FBXL14: variants seen among roughly 807,000 people sequenced by gnomAD.
FBXL14 encodes the protein F-box/LRR-repeat protein 14.
In FBXL14, 11 loss-of-function variants were observed where a neutral mutation model predicts 24.5. That is an observed-to-expected ratio of 0.45 (90% CI 0.28 to 0.74). The LOEUF is 0.74. FBXL14 is among the 30% of genes least tolerant of loss of function. The pLI, the probability that FBXL14 is intolerant of heterozygous loss-of-function variation, is 0.12. For missense variants in FBXL14, 384 were observed against 545.6 expected, an observed-to-expected ratio of 0.70 and a Z score of 2.95; for synonymous variants, 294 against 240.4, an observed-to-expected ratio of 1.22 and a Z score of -2.06.
chr12:1,567,478 G>C lies in FBXL14; in HGVS notation c.1195-668C>G, dbSNP rs2094438222. Among the ~76,000 whole-genome samples, 1 of 151,730 alleles carries C rather than the reference G, an allele frequency of 6.6e-6. No homozygotes were observed. The highest frequency in any genetic ancestry group is 6.6e-5 in the Admixed American group (1 of 15,214). ...TGTACTGCAGCCTGGGCGACAGAGT[G>C]GTACTCTGTCTCAAAAATAATAATA... On this transcript the variant is annotated intron_variant, in intron 1 of 1. Transcript: ENST00000339235. The surrounding 1 kb of genome is among the most constrained non-coding windows in gnomAD (Gnocchi z 4.8).
intron 1 of FBXL14, among the ~76,000 whole-genome samples, chr12:1,586,110 TA>T (rs2094475891): frequency 6.6e-6 from 1 of 152,136 alleles, no homozygotes; most frequent in African/African-American, 2.4e-5. Context: ...TAACCCTATA[TA>T]ATGCTTGCAA....
At chr12:1,583,317 C>T (rs1377968248) in intron 1 of FBXL14, among the ~76,000 whole-genome samples, 1 of 151,750 alleles carries the variant, frequency 6.6e-6, no homozygotes. Flanking sequence ...CCCAAACTCC[C>T]CAGATATGGC....
intron 1 of FBXL14, among the ~76,000 whole-genome samples, chr12:1,586,889 C>T (rs534973683): frequency 6.6e-6 from 1 of 152,328 alleles, no homozygotes; most frequent in Admixed American, 6.5e-5. Context: ...TCCACTATCA[C>T]AAATGCAAGT....
Position 1,566,668 on chromosome 12 carries a change from T to C in FBXL14, c.*80A>G, listed in dbSNP as rs957513228. ...ACAGGCAGGGAAACCTGAGCTGTCA[T>C]CACCAGAGTGCCGGAGGCGCAGAGC... is the stretch of plus-strand genomic sequence containing the variant. On this transcript the variant is annotated 3_prime_UTR_variant, in exon 2 of 2. Coordinates refer to ENST00000339235, the MANE Select transcript of FBXL14 (RefSeq NM_152441.3). The C allele has an allele frequency of 1.8e-5, 14 of 771,792 alleles. No homozygotes were observed. Among genetic ancestry groups the C allele is most frequent in the South Asian group, 1.8e-4 (13 of 73,260 alleles). The allele number at this position is 771,792 out of a possible 1,614,324, so 47.8% of individuals were successfully genotyped here.
chr12:1,571,368 C>A (rs1254613447), intron 1 of FBXL14, among the ~76,000 whole-genome samples: 1 of 152,048 alleles, frequency 6.6e-6, no homozygotes, highest in African/African-American at 2.4e-5. Context: ...GCCACCACAC[C>A]CGGCTAATTT....
Position 1,594,195 on chromosome 12 carries a change from G to C in FBXL14, c.-129C>G. ...CCGCCGCCGCCGCCTCGGGCCCAAC[G>C]GCCGGCCCCTCCCCGCCTTCCGGCT... On this transcript the variant is annotated 5_prime_UTR_variant, in exon 1 of 2. Transcript: ENST00000339235. 1.8e-6 allele frequency: 1 copy of C among 556,122 alleles called. No homozygotes were observed. The highest frequency in any genetic ancestry group is 2.4e-6 in the Non-Finnish European group (1 of 414,712). 34.4% of individuals were successfully genotyped at this position (556,122 alleles called of 1,614,324 possible).
chr12:1,578,062 G>A (rs567952438), intron 1 of FBXL14, among the ~76,000 whole-genome samples: 30 of 152,288 alleles, frequency 2.0e-4, no homozygotes, highest in South Asian at 1.2e-3. Flanking sequence ...AACTTTAGAC[G>A]TAACATTTCA....
chr12:1,572,826 G>A (rs183153612), intron 1 of FBXL14, among the ~76,000 whole-genome samples: 58 of 146,978 alleles, frequency 3.9e-4, no homozygotes, highest in Admixed American at 3.9e-3. Context: ...GAAGTGATGA[G>A]GACTGACTTA....
At chr12:1,589,419 AGATC>A (rs1272083391) in intron 1 of FBXL14, among the ~76,000 whole-genome samples, 2 of 134,268 alleles carry the variant, frequency 1.5e-5, no homozygotes, top group African/African-American at 5.5e-5. Context: ...AAAAAAAAAA[AGATC>A]AAGACCTTGT....
chr12:1,566,027 A>G lies in FBXL14; in HGVS notation c.*721T>C, dbSNP rs1360729057. 1 of 152,656 alleles carries G rather than the reference A, an allele frequency of 6.6e-6. No homozygotes were observed. Among genetic ancestry groups the G allele is most frequent in the Non-Finnish European group, 1.5e-5 (1 of 68,048 alleles). The allele number at this position is 152,656 out of a possible 1,614,324, so 9.5% of individuals were successfully genotyped here. On this transcript the variant is annotated 3_prime_UTR_variant, in exon 2 of 2. Coordinates refer to ENST00000339235, the MANE Select transcript of FBXL14 (RefSeq NM_152441.3). ...TAAAGGGAAGACAGATATATTCTAC[A>G]TTGTTCCCATTAAAATGGAAACCCC... is the stretch of plus-strand genomic sequence containing the variant.
chr12:1,583,132 T>TA (rs2094469934), intron 1 of FBXL14, among the ~76,000 whole-genome samples: 6 of 133,812 alleles, frequency 4.5e-5, no homozygotes, highest in African/African-American at 1.8e-4. Flanking sequence ...TTAAAAAAAA[T>TA]TAAAAAAAAG....
intron 1 of FBXL14, among the ~76,000 whole-genome samples, chr12:1,573,133 T>G (rs1344346387): frequency 1.3e-5 from 2 of 152,164 alleles, no homozygotes; most frequent in Non-Finnish European, 2.9e-5. Flanking sequence ...GGGTCTGGGC[T>G]GAATATTTGA....
chr12:1,574,001 G>A (rs1275846469), intron 1 of FBXL14, among the ~76,000 whole-genome samples: 71 of 148,516 alleles, frequency 4.8e-4, no homozygotes, highest in Non-Finnish European at 8.9e-4. Flanking sequence ...GCGAAACTCC[G>A]TCTCAAAAAA....
At position 1,593,467 on chromosome 12, in the gene FBXL14, G is replaced by C; in HGVS notation, c.600C>G (p.Gly200=). 1 of 1,613,900 alleles carries C rather than the reference G, an allele frequency of 6.2e-7. No homozygotes were observed. Among genetic ancestry groups the C allele is most frequent in the Non-Finnish European group, 8.5e-7 (1 of 1,180,016 alleles). The change falls in exon 1 of 2, where the codon GGC becomes GGG. Residue 200 remains glycine, a synonymous_variant. Coordinates refer to ENST00000339235, the MANE Select transcript of FBXL14 (RefSeq NM_152441.3). The surrounding 1 kb of genome is among the most constrained non-coding windows in gnomAD (Gnocchi z 7.4). ...GCGTGAGCTGCTCCAGGCCCAGGCA[G>C]CCCTCCGCCGCGCTGCGCGTCATGC... ...LAGMTRSAAE[G]CLGLEQLTLQ...
Position 1,593,638 on chromosome 12 carries a change from C to T in FBXL14, c.429G>A (p.Lys143=), listed in dbSNP as rs1313466136. 1.2e-6 allele frequency: 2 copies of T among 1,614,190 alleles called. No homozygotes were observed. Among genetic ancestry groups the T allele is most frequent in the South Asian group, 1.1e-5 (1 of 91,086 alleles). ...SSLGRIAQYL[K]GLEVLELGGC... is the part of the protein sequence containing the mutation. ...CTCCCAGCTCCAGCACCTCCAGGCC[C>T]TTGAGGTACTGGGCTATGCGGCCCA... The change falls in exon 1 of 2, where the codon AAG becomes AAA. Residue 143 remains lysine, a synonymous_variant. Coordinates refer to ENST00000339235, the MANE Select transcript of FBXL14 (RefSeq NM_152441.3). This position sits in a 1 kb window ranked among gnomAD's most constrained non-coding sequence, Gnocchi z 7.4.
At position 1,594,047 on chromosome 12, in the gene FBXL14, C is replaced by A. The variant is rs1184950928; in HGVS notation, c.20G>T (p.Cys7Phe). ...CATGGCCAGCAGCTCCGGGAACAGG[C>A]ATGAGATGTGGGTCTCCATCTTCCT... METHISCLFPELLAMIF... is the reference protein window; with the variant it reads METHISFLFPELLAMIF... The change falls in exon 1 of 2, where the codon TGC (cysteine) becomes TTC (phenylalanine). Residue 7 changes from cysteine to phenylalanine, a missense_variant. Cys to Phe is a radical substitution (Grantham distance 205). Transcript: ENST00000339235. 3.3e-6 allele frequency: 5 copies of A among 1,533,712 alleles called. No individual in the cohort carries two copies. Among genetic ancestry groups the A allele is most frequent in the Non-Finnish European group, 4.4e-6 (5 of 1,148,238 alleles).
At position 1,567,446 on chromosome 12, in the gene FBXL14, G is replaced by A. The variant is rs1041215540; in HGVS notation, c.1195-636C>T. 3.9e-5 allele frequency among the ~76,000 whole-genome samples: 6 copies of A among 152,066 alleles called. No homozygotes were observed. The highest frequency in any genetic ancestry group is 9.7e-5 in the African/African-American group (4 of 41,398). On this transcript the variant is annotated intron_variant, in intron 1 of 1. Coordinates refer to ENST00000339235, the MANE Select transcript of FBXL14 (RefSeq NM_152441.3). This position sits in a 1 kb window ranked among gnomAD's most constrained non-coding sequence, Gnocchi z 4.8. ...GCAGAGGTTGCAGTGAGCCAAGATCGCGCCACTGTACTGCAGCCTGGGCGA... is the reference window on the plus strand; with the variant it reads ...GCAGAGGTTGCAGTGAGCCAAGATCACGCCACTGTACTGCAGCCTGGGCGA...
upstream of FBXL14, among the ~76,000 whole-genome samples, chr12:1,594,673 C>G (rs1254546698): frequency 2.0e-5 from 3 of 149,268 alleles, no homozygotes; most frequent in African/African-American, 7.3e-5. Flanking sequence ...TCCTTCTCCC[C>G]CGCCGTCCGC....
rs2094442572 is a variant in FBXL14 at position 1,569,929 on chromosome 12, C to G, written c.1195-3119G>C. Among the ~76,000 whole-genome samples, 1 of 152,254 alleles carries G rather than the reference C, an allele frequency of 6.6e-6. No homozygotes were observed. Among genetic ancestry groups the G allele is most frequent in the Non-Finnish European group, 1.5e-5 (1 of 68,046 alleles). On this transcript the variant is annotated intron_variant, in intron 1 of 1. Transcript: ENST00000339235. The surrounding 1 kb of genome is among the most constrained non-coding windows in gnomAD (Gnocchi z 4.2). The stretch of plus-strand genomic sequence containing the variant: ...GCAGAGCCAGCATCCCCCTCGAGAG[C>G]TGCACTTCTGCCCTCAGGCCCACTG...
Sources: gnomAD v4.1 joint callset for allele counts (sites outside exome capture counted in the v4.1 genomes callset) on GRCh38, gnomAD v4.1.1 for gene constraint, Gnocchi (gnomAD v3.1) non-coding constraint, MANE v1.5 for transcripts, NCBI Gene and HGNC (gene_info 2026-07-23, HGNC 2026-07-21) for gene names.